The following MTHFD2L variants were observed in gnomAD, a reference collection of about 807,000 sequenced individuals.
The protein encoded by MTHFD2L is bifunctional methylenetetrahydrofolate dehydrogenase/cyclohydrolase 2, mitochondrial.
Under a neutral mutation model 34.9 loss-of-function variants are expected in MTHFD2L, and 29 were observed. The observed-to-expected ratio is 0.83, with a 90% confidence interval of 0.62 to 1.13. The LOEUF (loss-of-function observed/expected upper bound fraction) is 1.13, where lower values mean the gene tolerates loss of function less well. Ranked by LOEUF, MTHFD2L falls within the 50% of genes most tolerant of loss-of-function variation. The pLI, the probability that MTHFD2L is intolerant of heterozygous loss-of-function variation, is 0.00. For synonymous variants in MTHFD2L, 167 were observed against 155.7 expected (o/e 1.07, Z -0.54); for missense variants, 481 against 446.5 (o/e 1.08, Z -0.70).
chr4:74,134,437 G>T (rs924162382), intron 1 of MTHFD2L, among the ~76,000 whole-genome samples: 2 of 152,112 alleles, frequency 1.3e-5, no homozygotes, highest in African/African-American at 4.8e-5. Flanking sequence ...TAGGCTTATG[G>T]CGCCATCTAG....
chr4:74,222,502 C>T (rs1738381770), intron 5 of MTHFD2L, among the ~76,000 whole-genome samples: 1 of 152,040 alleles, frequency 6.6e-6, no homozygotes, highest in African/African-American at 2.4e-5. Flanking sequence ...GGACTGGTGT[C>T]CTAATCACCT....
intron 5 of MTHFD2L, among the ~76,000 whole-genome samples, chr4:74,209,529 C>CT (rs796540047): frequency 6.6e-6 from 1 of 152,132 alleles, no homozygotes; most frequent in Non-Finnish European, 1.5e-5. Context: ...TGAACTCATT[C>CT]TTTTTTATGG....
intron 6 of MTHFD2L, among the ~76,000 whole-genome samples, chr4:74,229,461 C>A (rs929723332): frequency 3.9e-5 from 6 of 152,082 alleles, no homozygotes; most frequent in Non-Finnish European, 5.9e-5. Context: ...TATATGGAAA[C>A]AACCTCATCT....
intron 1 of MTHFD2L, among the ~76,000 whole-genome samples, chr4:74,144,313 C>T (rs1723455442): frequency 6.6e-6 from 1 of 151,994 alleles, no homozygotes; most frequent in African/African-American, 2.4e-5. Context: ...ATTAGCTGGG[C>T]ATGGTGGCAG....
intron 1 of MTHFD2L, among the ~76,000 whole-genome samples, chr4:74,137,601 C>T (rs1444142878): frequency 6.6e-6 from 1 of 152,122 alleles, no homozygotes; most frequent in Non-Finnish European, 1.5e-5. Flanking sequence ...CTAGCTATTT[C>T]ACTACTGGGT....
intron 1 of MTHFD2L, among the ~76,000 whole-genome samples, chr4:74,141,543 T>C (rs940991043): frequency 2.6e-5 from 4 of 152,214 alleles, no homozygotes; most frequent in Non-Finnish European, 5.9e-5. Flanking sequence ...AACAGTCTTC[T>C]AACCCTCCAA....
intron 5 of MTHFD2L, among the ~76,000 whole-genome samples, chr4:74,202,846 A>G (rs1734674695): frequency 6.6e-6 from 1 of 152,150 alleles, no homozygotes; most frequent in South Asian, 2.1e-4. Flanking sequence ...ATAGACACCT[A>G]TGTGCTCATC....
rs1723729783 is a variant in MTHFD2L at position 74,148,381 on chromosome 4, TTATTTATTTATC to T, written c.-296-11670_-296-11659del. ...TTTATTTATTTATTTATTTATTTAT[TTATTTATTTATC>T]TATCTATCTATTTAGACAGAGTTTT... On this transcript the variant is annotated intron_variant, in intron 1 of 7. Coordinates refer to the MTHFD2L transcript ENST00000433372. 6.8e-5 allele frequency among the ~76,000 whole-genome samples: 4 copies of T among 58,892 alleles called. No homozygotes were observed. The Admixed American group carries it at 9.2e-4, about 14-fold the overall frequency. The allele number at this position is 58,892 out of a possible 152,430, so 38.6% of individuals were successfully genotyped here.
At chr4:74,250,696 GGTT>G (rs1226872464) in intron 6 of MTHFD2L, among the ~76,000 whole-genome samples, 2 of 152,118 alleles carry the variant, frequency 1.3e-5, no homozygotes, top group Non-Finnish European at 1.5e-5. Context: ...GCTTCTAATA[GGTT>G]GTTATACTCC....
At chr4:74,215,519 G>T (rs1737059296) in intron 5 of MTHFD2L, among the ~76,000 whole-genome samples, 1 of 151,594 alleles carries the variant, frequency 6.6e-6, no homozygotes, top group Non-Finnish European at 1.5e-5. Context: ...CCCTCTGTAG[G>T]CTGTACCCAC....
chr4:74,118,720 A>T (rs1222023947), upstream of MTHFD2L, among the ~76,000 whole-genome samples: 2 of 152,202 alleles, frequency 1.3e-5, no homozygotes, highest in African/African-American at 4.8e-5. Context: ...ACAGTGGTCC[A>T]TGGCTTGTTA....
chr4:74,301,821 G>C lies in MTHFD2L; in HGVS notation c.*12G>C. The stretch of plus-strand genomic sequence containing the variant: ...AAATCATTTACTAGATCACATGAAA[G>C]GATAAAGCAAACTGAAGTCATGCTA... On this transcript the variant is annotated 3_prime_UTR_variant, in exon 8 of 8. Coordinates refer to ENST00000325278, the MANE Select transcript of MTHFD2L (RefSeq NM_001144978.3). The C allele has an allele frequency of 6.5e-7, 1 of 1,533,890 alleles. No individual in the cohort carries two copies. The highest frequency in any genetic ancestry group is 8.9e-7 in the Non-Finnish European group (1 of 1,119,410).
At position 74,202,902 on chromosome 4, in the gene MTHFD2L, C is replaced by CATAT. The variant is rs527652555; in HGVS notation, c.712+1540_712+1543dup. ...TGCACACATGCATGCACACACACAG[C>CATAT]ATATATATATAGATTTCTTATTATT... is the stretch of plus-strand genomic sequence containing the variant. On this transcript the variant is annotated intron_variant, in intron 5 of 7. Coordinates refer to ENST00000325278, the MANE Select transcript of MTHFD2L (RefSeq NM_001144978.3). Among the ~76,000 whole-genome samples the CATAT allele has an allele frequency of 1.1e-4, 16 of 151,962 alleles. No homozygotes were observed. In the East Asian group the frequency reaches 3.1e-3, roughly 29 times the overall value.
At chr4:74,222,396 A>C (rs565628441) in intron 5 of MTHFD2L, among the ~76,000 whole-genome samples, 6 of 152,220 alleles carry the variant, frequency 3.9e-5, no homozygotes, top group African/African-American at 1.4e-4. Flanking sequence ...CAGAATGGAA[A>C]GAGAGGGCAA....
upstream of MTHFD2L, among the ~76,000 whole-genome samples, chr4:74,154,828 A>G (rs998484845): frequency 1.3e-5 from 2 of 152,160 alleles, no homozygotes; most frequent in Admixed American, 1.3e-4. Context: ...CAGCTGGCAA[A>G]GCAAATAAAT....
chr4:74,204,526 C>A (rs1734976762), intron 5 of MTHFD2L, among the ~76,000 whole-genome samples: 1 of 151,838 alleles, frequency 6.6e-6, no homozygotes, highest in East Asian at 1.9e-4. Flanking sequence ...CATATCTGAT[C>A]TTTTCTGTAA....
At chr4:74,224,720 A>G (rs1013372538) in intron 5 of MTHFD2L, among the ~76,000 whole-genome samples, 1 of 152,134 alleles carries the variant, frequency 6.6e-6, no homozygotes, top group Non-Finnish European at 1.5e-5. Flanking sequence ...CTATTTTCCA[A>G]ATACCCACTT....
intron 6 of MTHFD2L, among the ~76,000 whole-genome samples, chr4:74,248,374 A>C (rs981459485): frequency 2.6e-5 from 4 of 151,566 alleles, no homozygotes; most frequent in Non-Finnish European, 4.4e-5. Context: ...TCTCTCTTTT[A>C]TTCTTTATTA....
At chr4:74,143,230 C>G (rs529579694) in intron 1 of MTHFD2L, among the ~76,000 whole-genome samples, 2 of 33,350 alleles carry the variant, frequency 6.0e-5, no homozygotes, top group South Asian at 4.4e-3. Context: ...TAATGGTGAC[C>G]AAGAGGAGCT....
Sources: gnomAD v4.1 joint callset for allele counts (sites outside exome capture counted in the v4.1 genomes callset) on GRCh38, gnomAD v4.1.1 for gene constraint, MANE v1.5 for transcripts, NCBI Gene and HGNC (gene_info 2026-07-23, HGNC 2026-07-21) for gene names.